CNTN6: variants seen among roughly 807,000 people sequenced by gnomAD.
The protein encoded by CNTN6 is contactin 6.
CNTN6 carries 137 observed loss-of-function variants against 122.8 expected under a neutral mutation model. The observed-to-expected ratio is 1.12, with a 90% CI of 0.97 to 1.29. The LOEUF (loss-of-function observed/expected upper bound fraction) is 1.29, where lower values mean the gene tolerates loss of function less well. Among genes scored for constraint, CNTN6 ranks in the 50% most tolerant of loss-of-function variants. The pLI, the probability that CNTN6 is intolerant of heterozygous loss-of-function variation, is 0.00. For missense variants in CNTN6, 1,634 were observed against 1,223.4 expected, an observed-to-expected ratio of 1.34 and a Z score of -5.01; for synonymous variants, 570 against 426.0, an observed-to-expected ratio of 1.34 and a Z score of -4.16.
chr3:1,370,176 A>C (rs887947866), intron 12 of CNTN6, among the ~76,000 whole-genome samples: 1 of 152,002 alleles, frequency 6.6e-6, no homozygotes, highest in Non-Finnish European at 1.5e-5. Context: ...CAGTTGGCCA[A>C]GTTTTTTTTT....
chr3:1,183,924 T>C (rs2093594802), intron 2 of CNTN6, among the ~76,000 whole-genome samples: 1 of 152,170 alleles, frequency 6.6e-6, no homozygotes, highest in Non-Finnish European at 1.5e-5. Flanking sequence ...CATTTGGTTG[T>C]TGGTAGAACT....
intron 1 of CNTN6, among the ~76,000 whole-genome samples, chr3:1,099,066 T>C (rs1319439923): frequency 7.2e-5 from 11 of 151,850 alleles, no homozygotes; most frequent in Non-Finnish European, 1.6e-4. Flanking sequence ...AAAATATTAT[T>C]TTAAAATATT....
chr3:1,202,743 C>A (rs903923829), intron 2 of CNTN6, among the ~76,000 whole-genome samples: 2 of 152,090 alleles, frequency 1.3e-5, no homozygotes, highest in Non-Finnish European at 2.9e-5. Context: ...TTTTCTCACA[C>A]AGGGAATGAA....
chr3:1,373,988 A>G lies in CNTN6; in HGVS notation c.2010A>G (p.Glu670=), dbSNP rs1709495670. 2.5e-6 allele frequency: 4 copies of G among 1,613,144 alleles called. No homozygotes were observed. The highest frequency in any genetic ancestry group is 8.5e-7 in the Non-Finnish European group (1 of 1,179,404). Residue 670 remains glutamate, a synonymous_variant, in exon 16 of 23, where the codon GAA becomes GAG. Coordinates refer to ENST00000446702, the MANE Select transcript of CNTN6 (RefSeq NM_001289080.2). ...TGGTTGGTTTGAGTCCTTGGGTGGA[A>G]TATGAATTTCGTGTTGTTGCCGGCA... ...ATVVGLSPWV[E]YEFRVVAGNS...
In CNTN6 at chr3:1,310,352, C is replaced by CT. The variant is rs556665152; in HGVS notation, c.762-11291dup. On this transcript the variant is annotated intron_variant, in intron 7 of 22. Coordinates refer to ENST00000446702, the MANE Select transcript of CNTN6 (RefSeq NM_001289080.2). ...GATAGGTGTTGCATTTTTCCAAATG[C>CT]TTTTTTTGGCACCAGTTGATATGAT... Among the ~76,000 whole-genome samples, 470 of 152,048 alleles carry CT rather than the reference C, an allele frequency of 3.1e-3. 1 individual carries two copies. The highest frequency in any genetic ancestry group is 0.011 in the African/African-American group (443 of 41,488).
chr3:1,223,118 G>GGT (rs1199440169), intron 3 of CNTN6, among the ~76,000 whole-genome samples: 1 of 152,120 alleles, frequency 6.6e-6, no homozygotes, highest in Non-Finnish European at 1.5e-5. Flanking sequence ...CACCTTAGAT[G>GGT]GTGTGTGTGT....
chr3:1,285,520 A>G (rs749357397), intron 5 of CNTN6, among the ~76,000 whole-genome samples: 2 of 152,206 alleles, frequency 1.3e-5, no homozygotes, highest in African/African-American at 2.4e-5. Context: ...TTAATACTAC[A>G]TAATTGGATA....
intron 1 of CNTN6, among the ~76,000 whole-genome samples, chr3:1,099,750 A>T (rs530786853): frequency 6.6e-5 from 10 of 152,294 alleles, no homozygotes; most frequent in African/African-American, 2.4e-4. Flanking sequence ...TATGATGTTG[A>T]TGAAGTTGGA....
intron 2 of CNTN6, among the ~76,000 whole-genome samples, chr3:1,185,552 C>T (rs969685353): frequency 3.9e-5 from 6 of 152,134 alleles, no homozygotes; most frequent in African/African-American, 1.2e-4. Context: ...ATGTGCTAAT[C>T]TATGTGACCT....
At chr3:1,198,589 G>C (rs1333370715) in intron 2 of CNTN6, among the ~76,000 whole-genome samples, 1 of 152,092 alleles carries the variant, frequency 6.6e-6, no homozygotes, top group African/African-American at 2.4e-5. Context: ...AGTCATGGGG[G>C]TGCATGCTTG....
At chr3:1,399,218 A>C (rs893086834) in intron 20 of CNTN6, among the ~76,000 whole-genome samples, 2 of 152,134 alleles carry the variant, frequency 1.3e-5, no homozygotes, top group Non-Finnish European at 2.9e-5. Flanking sequence ...AGAGATAAAA[A>C]GAAAGGTATC....
rs1211008614 is a variant in CNTN6, at chr3:1,098,789, C to CACATATATATATAT, written c.-83+5670_-83+5671insCATATATATATATA. On this transcript the variant is annotated intron_variant, in intron 1 of 22. Transcript: ENST00000446702. ...ACACACACACACACACACACACACA[C>CACATATATATATAT]ATATATATATATATATATATATATA... 1.8e-3 allele frequency among the ~76,000 whole-genome samples: 111 copies of CACATATATATATAT among 63,212 alleles called. 1 individual carries two copies. Among genetic ancestry groups the CACATATATATATAT allele is most frequent in the East Asian group, 3.3e-3 (5 of 1,530 alleles). 41.5% of individuals were successfully genotyped at this position (63,212 alleles called of 152,430 possible). A position where few individuals can be genotyped will look rare whatever the true frequency, so the allele number is the denominator to read the frequency against.
At chr3:1,257,757 C>T (rs2094783365) in intron 4 of CNTN6, among the ~76,000 whole-genome samples, 1 of 152,160 alleles carries the variant, frequency 6.6e-6, no homozygotes, top group African/African-American at 2.4e-5. Flanking sequence ...AGCTATTCTA[C>T]AAAGCTCAAA....
Position 1,221,247 on chromosome 3 carries a change from A to T in CNTN6, c.182+434A>T, listed in dbSNP as rs146091519. On this transcript the variant is annotated intron_variant, in intron 3 of 22. Coordinates refer to ENST00000446702, the MANE Select transcript of CNTN6 (RefSeq NM_001289080.2). Reference sequence around the variant, plus strand: ...AAGAAAAGAAAGATAAAAGGAAAGAAAAAAATGAAGAGAAAGGAAAAAAAA... The same window carrying T: ...AAGAAAAGAAAGATAAAAGGAAAGATAAAAATGAAGAGAAAGGAAAAAAAA... Among the ~76,000 whole-genome samples, 440 of 152,282 alleles carry T rather than the reference A, an allele frequency of 2.9e-3. 1 individual carries two copies. Among genetic ancestry groups the T allele is most frequent in the Non-Finnish European group, 5.5e-3 (373 of 68,008 alleles).
At chr3:1,195,646 T>C (rs2125404179) in intron 2 of CNTN6, among the ~76,000 whole-genome samples, 1 of 152,300 alleles carries the variant, frequency 6.6e-6, no homozygotes, top group East Asian at 1.9e-4. Context: ...TAGCCTTTGT[T>C]TAGGCTCCAC....
At chr3:1,215,894 A>G (rs73816586) in intron 2 of CNTN6, among the ~76,000 whole-genome samples, 1 of 151,982 alleles carries the variant, frequency 6.6e-6, no homozygotes, top group Non-Finnish European at 1.5e-5. Context: ...GAGTACCCAC[A>G]TTTTGTAGCC....
intron 4 of CNTN6, among the ~76,000 whole-genome samples, chr3:1,272,141 C>G (rs951529013): frequency 1.3e-5 from 2 of 152,208 alleles, no homozygotes; most frequent in African/African-American, 2.4e-5. Context: ...TCACCTTCCA[C>G]CATGATTATA....
chr3:1,095,582 T>C (rs182837312), intron 1 of CNTN6, among the ~76,000 whole-genome samples: 161 of 152,282 alleles, frequency 1.1e-3, no homozygotes, highest in Admixed American at 7.8e-3. Context: ...ATTGAAGAAA[T>C]TGTTAAATTT....
intron 12 of CNTN6, among the ~76,000 whole-genome samples, chr3:1,359,797 A>G (rs1707185230): frequency 6.6e-6 from 1 of 152,016 alleles, no homozygotes; most frequent in South Asian, 2.1e-4. Context: ...AGACCCCATC[A>G]CACCGATTTC....
Sources: allele counts gnomAD v4.1 joint callset (sites outside exome capture counted in the v4.1 genomes callset), GRCh38; gene constraint gnomAD v4.1.1; transcripts MANE v1.5; gene names NCBI Gene and HGNC (gene_info 2026-07-23, HGNC 2026-07-21).